The following LRIG3 variants were observed in gnomAD, a reference collection of about 807,000 sequenced individuals.
LRIG3 encodes the protein leucine-rich repeats and immunoglobulin-like domains protein 3.
LRIG3 carries 76 observed loss-of-function variants against 114.5 expected under a neutral mutation model. The ratio of observed to expected loss-of-function variants is 0.66; its 90% CI spans 0.55 to 0.80. The LOEUF (loss-of-function observed/expected upper bound fraction) is 0.80. LRIG3 is among the 30% of genes least tolerant of loss of function. LRIG3 has a pLI of 0.00. For synonymous variants in LRIG3, 512 were observed against 519.8 expected, an observed-to-expected ratio of 0.98 and a Z score of 0.20; for missense variants, 1,239 against 1,382.8, an observed-to-expected ratio of 0.90 and a Z score of 1.65.
At chr12:58,881,717 GACA>G (rs1871135675) in intron 12 of LRIG3, among the ~76,000 whole-genome samples, 1 of 152,168 alleles carries the variant, frequency 6.6e-6, no homozygotes, top group African/African-American at 2.4e-5. Context: ...TATTTGAAAA[GACA>G]ACTTTTTATG....
intron 3 of LRIG3, among the ~76,000 whole-genome samples, chr12:58,892,640 C>T (rs1412899217): frequency 6.6e-6 from 1 of 152,178 alleles, no homozygotes; most frequent in Non-Finnish European, 1.5e-5. Flanking sequence ...CTATATATCA[C>T]CCTTAGAATG....
At chr12:58,880,536 C>A in intron 13 of LRIG3, 45 bp downstream of exon 13, 2 of 1,578,632 alleles carry the variant, frequency 1.3e-6, no homozygotes, top group South Asian at 2.3e-5. Flanking sequence ...CTTTCTATTT[C>A]TAAAAGGTAT....
At chr12:58,883,390 T>C (rs1365302393) in intron 11 of LRIG3, 130 bp downstream of exon 11, 1 of 573,366 alleles carries the variant, frequency 1.7e-6, no homozygotes, top group Non-Finnish European at 2.8e-6. Flanking sequence ...TTCTGTTGCC[T>C]AGTATAAAAA....
chr12:58,897,911 G>A (rs1031160641), intron 3 of LRIG3, among the ~76,000 whole-genome samples: 1 of 152,076 alleles, frequency 6.6e-6, no homozygotes, highest in Admixed American at 6.5e-5. Flanking sequence ...TCCCCTACTA[G>A]GCTTGTGATT....
chr12:58,892,583 C>A lies in LRIG3; in HGVS notation c.384-1787G>T, dbSNP rs975756710. Among the ~76,000 whole-genome samples the A allele has an allele frequency of 1.6e-4, 24 of 152,308 alleles. 1 individual carries two copies. Among genetic ancestry groups the A allele is most frequent in the African/African-American group, 5.8e-4 (24 of 41,576 alleles). On this transcript the variant is annotated intron_variant, in intron 3 of 18. Transcript: ENST00000320743. ...GCAAGCTGACGTCAAACTTACACCA[C>A]TGGTCTTCTCTGCCATACTGAGATA...
chr12:58,914,816 G>A (rs74099592), intron 1 of LRIG3, among the ~76,000 whole-genome samples: 5,161 of 152,256 alleles, frequency 0.034, 290 homozygotes, highest in African/African-American at 0.12. Context: ...GTTTCTCTGC[G>A]TTAAAGCACC....
At position 58,920,036 on chromosome 12, in the gene LRIG3, C is replaced by T; in HGVS notation, c.200G>A (p.Arg67His). The T allele has an allele frequency of 6.4e-7, 1 of 1,551,222 alleles. No homozygotes were observed. Among genetic ancestry groups the T allele is most frequent in the Non-Finnish European group, 8.7e-7 (1 of 1,147,682 alleles). The change falls in exon 1 of 19, where the codon CGT becomes CAT. Residue 67 changes from arginine to histidine, a missense_variant. By Grantham distance (29) the Arg-to-His change is conservative. Transcript: ENST00000320743. ...CCAGGACGGGAGTGGCTCGGGAAGA[C>T]GCGCTAGCCGCTTACGACTGCAGTC... ...LLDCSRKRLA[R>H]LPEPLPSWVA...
intron 7 of LRIG3, 119 bp downstream of exon 7, chr12:58,888,210 A>T (rs1465436320): frequency 3.9e-6 from 5 of 1,270,940 alleles, no homozygotes; most frequent in Non-Finnish European, 4.3e-6. Flanking sequence ...TTGCATGTGA[A>T]AAAAGCTGTC....
chr12:58,888,753 C>T (rs1871356727), intron 6 of LRIG3, 66 bp downstream of exon 6: 2 of 1,550,658 alleles, frequency 1.3e-6, no homozygotes, highest in East Asian at 2.3e-5. Flanking sequence ...ATAAGACCTG[C>T]TGAATGTACA....
Position 58,874,349 on chromosome 12 carries a change from G to C in LRIG3, c.2840-19C>G. On this transcript the variant is annotated intron_variant, in intron 17 of 18. Coordinates refer to ENST00000320743, the MANE Select transcript of LRIG3 (RefSeq NM_153377.5). ...CTGCAACCTTTTTAATATGGGGGCA[G>C]TAACAGAAGGAGATTACAGTTAGCA... 4 of 1,606,872 alleles carry C rather than the reference G, an allele frequency of 2.5e-6. No homozygotes were observed. Among genetic ancestry groups the C allele is most frequent in the Non-Finnish European group, 3.4e-6 (4 of 1,176,728 alleles).
At position 58,893,618 on chromosome 12, in the gene LRIG3, G is replaced by A. The variant is rs550241647; in HGVS notation, c.384-2822C>T. ...AGTGAGACAATTAGTCAATTCCTAG[G>A]TCCCGGAGATGGATTCCATCCAGGA... On this transcript the variant is annotated intron_variant, in intron 3 of 18. Transcript: ENST00000320743. Among the ~76,000 whole-genome samples, 10 of 152,294 alleles carry A rather than the reference G, an allele frequency of 6.6e-5. No individual in the cohort carries two copies. The South Asian group carries it at 2.1e-3, about 32-fold the overall frequency.
At chr12:58,894,579 C>T (rs147409571) in intron 3 of LRIG3, among the ~76,000 whole-genome samples, 1 of 151,702 alleles carries the variant, frequency 6.6e-6, no homozygotes, top group African/African-American at 2.4e-5. Flanking sequence ...ATACCCACTT[C>T]TAGTAGACAG....
In LRIG3 at chr12:58,920,471, C is replaced by T. The variant is rs1245376011; in HGVS notation, c.-236G>A. 2.6e-6 allele frequency: 1 copy of T among 384,304 alleles called. No individual in the cohort carries two copies. Among genetic ancestry groups the T allele is most frequent in the Non-Finnish European group, 4.6e-6 (1 of 217,920 alleles). 23.8% of individuals were successfully genotyped at this position (384,304 alleles called of 1,614,324 possible). Reference sequence around the variant, plus strand: ...AACTGCAACAGAGTTGCAGCTTGAGCAGCGTCGGCTCGCCGAAGCCCCTTC... The same window carrying T: ...AACTGCAACAGAGTTGCAGCTTGAGTAGCGTCGGCTCGCCGAAGCCCCTTC... On this transcript the variant is annotated 5_prime_UTR_variant, in exon 1 of 19. Coordinates refer to ENST00000320743, the MANE Select transcript of LRIG3 (RefSeq NM_153377.5).
chr12:58,886,803 T>A lies in LRIG3; in HGVS notation c.1172+7A>T. The stretch of plus-strand genomic sequence containing the variant: ...GTGAGCTAAATTATGAGGCAATTCA[T>A]ACTCACAGTCGCCTCAGTTTGTCAA... On this transcript the variant is annotated splice_region_variant and intron_variant, in intron 9 of 18. Transcript: ENST00000320743. 6 of 1,612,046 alleles carry A rather than the reference T, an allele frequency of 3.7e-6. No individual in the cohort carries two copies. The highest frequency in any genetic ancestry group is 5.1e-6 in the Non-Finnish European group (6 of 1,178,452).
rs560015221 is a variant in LRIG3 at position 58,875,733 on chromosome 12, G to A, written c.2695+712C>T. 4.6e-5 allele frequency among the ~76,000 whole-genome samples: 7 copies of A among 152,298 alleles called. No homozygotes were observed. The South Asian group carries it at 1.4e-3, about 32-fold the overall frequency. On this transcript the variant is annotated intron_variant, in intron 16 of 18. Transcript: ENST00000320743. ...CAAAACTATGCAGCATTGAAAGCAAGGGTCAGAATTAGACTTCTCAAAGAG... is the reference window on the plus strand; with the variant it reads ...CAAAACTATGCAGCATTGAAAGCAAAGGTCAGAATTAGACTTCTCAAAGAG...
At chr12:58,912,013 C>G (rs1246858231) in intron 3 of LRIG3, among the ~76,000 whole-genome samples, 2 of 152,136 alleles carry the variant, frequency 1.3e-5, no homozygotes, top group African/African-American at 4.8e-5. Context: ...AAAGCAATCA[C>G]TGGCCAGAGG....
intron 1 of LRIG3, among the ~76,000 whole-genome samples, chr12:58,917,789 G>A (rs1293317715): frequency 6.6e-6 from 1 of 152,198 alleles, no homozygotes; most frequent in Non-Finnish European, 1.5e-5. Context: ...CAAGGAAAGG[G>A]AAGGTAAGAT....
intron 3 of LRIG3, among the ~76,000 whole-genome samples, chr12:58,910,629 C>G (rs926855957): frequency 6.6e-6 from 1 of 151,638 alleles, no homozygotes; most frequent in African/African-American, 2.4e-5. Context: ...AAAACAAAAA[C>G]AAAAAAAACA....
chr12:58,919,659 C>T, intron 1 of LRIG3: 1 of 1,308,574 alleles, frequency 7.6e-7, no homozygotes, highest in Non-Finnish European at 1.0e-6. Flanking sequence ...GCTTATCTCC[C>T]CTGGGCCTGG....
Sources: allele counts gnomAD v4.1 joint callset (sites outside exome capture counted in the v4.1 genomes callset), GRCh38; gene constraint gnomAD v4.1.1; transcripts MANE v1.5; gene names NCBI Gene and HGNC (gene_info 2026-07-23, HGNC 2026-07-21).